Variants in PCDHGB5 observed in about 807,000 individuals in gnomAD.
The protein encoded by PCDHGB5 is protocadherin gamma-B5.
A neutral mutation model predicts 62.9 loss-of-function variants in PCDHGB5; 48 were observed. The observed-to-expected ratio is 0.76, with a 90% confidence interval of 0.61 to 0.97. The LOEUF (loss-of-function observed/expected upper bound fraction) is 0.97. Ranked by LOEUF, PCDHGB5 falls within the 50% of genes least tolerant of loss-of-function variation. The pLI is 0.00. For missense variants in PCDHGB5, 1,118 were observed against 1,198.6 expected (o/e 0.93, Z 0.99); for synonymous variants, 474 against 511.2 (o/e 0.93, Z 0.98).
chr5:141,403,109 G>T, intron 1 of PCDHGB5: 2 of 1,614,074 alleles, frequency 1.2e-6, no homozygotes, highest in Non-Finnish European at 1.7e-6. Flanking sequence ...CAAGGACCTG[G>T]CTCTGGAGCC....
intron 1 of PCDHGB5, chr5:141,403,040 C>T: frequency 1.2e-6 from 2 of 1,614,068 alleles, no homozygotes; most frequent in Non-Finnish European, 1.7e-6. Context: ...CAGGGCCAGT[C>T]AGATTCGCTA....
rs1156915249 is a variant in PCDHGB5, at chr5:141,426,840, G to C, written c.2397+26316G>C. 8.8e-6 allele frequency: 4 copies of C among 456,584 alleles called. No individual in the cohort carries two copies. In the East Asian group the frequency reaches 2.8e-4, roughly 32 times the overall value. The allele number at this position is 456,584 out of a possible 1,614,324, so 28.3% of individuals were successfully genotyped here. A position where few individuals can be genotyped will look rare whatever the true frequency, so the allele number is the denominator to read the frequency against. On this transcript the variant is annotated intron_variant, in intron 1 of 3. Transcript: ENST00000617380. Reference sequence around the variant, plus strand: ...CTCTCTGATGATGGACAAGACTAAAGGCAAGAACGCTCCAGAATTAGTGCT... The same window carrying C: ...CTCTCTGATGATGGACAAGACTAAACGCAAGAACGCTCCAGAATTAGTGCT...
At chr5:141,448,850 C>A (rs1227646790) in intron 1 of PCDHGB5, among the ~76,000 whole-genome samples, 1 of 152,048 alleles carries the variant, frequency 6.6e-6, no homozygotes, top group Non-Finnish European at 1.5e-5. Context: ...GAGGCTGAGG[C>A]AGGAGAATGG....
intron 1 of PCDHGB5, chr5:141,400,747 G>T (rs2094069778): frequency 5.0e-6 from 3 of 602,662 alleles, no homozygotes; most frequent in African/African-American, 1.9e-5. Context: ...TTTGCTCTTA[G>T]CTTCCTCTCT....
chr5:141,426,691 G>A, intron 1 of PCDHGB5: 1 of 435,886 alleles, frequency 2.3e-6, no homozygotes, highest in South Asian at 1.6e-5. Context: ...CCCCAAAATA[G>A]CATTGTTTTA....
At chr5:141,468,953 T>G (rs182999574) in intron 1 of PCDHGB5, among the ~76,000 whole-genome samples, 1,938 of 89,156 alleles carry the variant, frequency 0.022, 22 homozygotes, top group Non-Finnish European at 0.033. Flanking sequence ...AAACCTGTGG[T>G]TTTTTTTACC....
At chr5:141,454,931 C>T (rs2154564856) in intron 1 of PCDHGB5, among the ~76,000 whole-genome samples, 2 of 151,066 alleles carry the variant, frequency 1.3e-5, no homozygotes, top group South Asian at 4.2e-4. Context: ...CCTCAGCCTC[C>T]CGAGTAGCTG....
At position 141,426,367 on chromosome 5, in the gene PCDHGB5, G is replaced by A. The variant is rs557191606; in HGVS notation, c.2397+25843G>A. The A allele has an allele frequency of 8.2e-4, 168 of 204,486 alleles. 3 individuals are homozygous for A. The South Asian group carries it at 0.014, about 17-fold the overall frequency. 12.7% of individuals were successfully genotyped at this position (204,486 alleles called of 1,614,324 possible). ...TTTCCTGCTGCCTTTGTTCTGCGGG[G>A]CACCCTCGGAGCAGATCCGCTACTC... is the stretch of plus-strand genomic sequence containing the variant. On this transcript the variant is annotated intron_variant, in intron 1 of 3. Transcript: ENST00000617380.
In PCDHGB5 at chr5:141,485,849, G is replaced by A. The variant is rs777288674; in HGVS notation, c.2398-8958G>A. ...AGGGAACCCGCCGAGATCTGGCACC[G>A]CAGAGCTCCGGGTATCCGTGCTGGA... On this transcript the variant is annotated intron_variant, in intron 1 of 3. Transcript: ENST00000617380. The surrounding 1 kb of genome is among the most constrained non-coding windows in gnomAD (Gnocchi z 5.7). 3 of 1,614,130 alleles carry A rather than the reference G, an allele frequency of 1.9e-6. No individual in the cohort carries two copies. In the South Asian group the frequency reaches 3.3e-5, roughly 18 times the overall value.
At chr5:141,418,844 A>G (rs781310201) in intron 1 of PCDHGB5, 2 of 1,613,936 alleles carry the variant, frequency 1.2e-6, no homozygotes, top group South Asian at 2.2e-5. Context: ...ATCTCTCTCA[A>G]CACGGTGTAA....
In PCDHGB5 at chr5:141,491,276, A is replaced by G; in HGVS notation, c.2398-3531A>G. The G allele has an allele frequency of 6.2e-7, 1 of 1,614,104 alleles. No individual in the cohort carries two copies. On this transcript the variant is annotated intron_variant, in intron 1 of 3. Coordinates refer to ENST00000617380, the MANE Select transcript of PCDHGB5 (RefSeq NM_018925.3). The surrounding 1 kb of genome is among the most constrained non-coding windows in gnomAD (Gnocchi z 6.9). ...CCTGAGGAAATGCCCAAATCCAGTG[A>G]CTTCCTCATACACCCTCCTGAGCGT...
At chr5:141,438,649 CACAT>C (rs2098044358) in intron 1 of PCDHGB5, among the ~76,000 whole-genome samples, 1 of 100,976 alleles carries the variant, frequency 9.9e-6, no homozygotes, top group Non-Finnish European at 2.0e-5. Context: ...CACACACACA[CACAT>C]ATATGTATAT....
At chr5:141,502,767 C>T (rs970206343) in intron 2 of PCDHGB5, among the ~76,000 whole-genome samples, 1 of 151,756 alleles carries the variant, frequency 6.6e-6, no homozygotes, top group East Asian at 1.9e-4. Flanking sequence ...TGCTGGTATT[C>T]TTCTGAAAAT....
Position 141,489,454 on chromosome 5 carries a change from G to C in PCDHGB5, c.2398-5353G>C, listed in dbSNP as rs1177748773. 1 of 1,613,940 alleles carries C rather than the reference G, an allele frequency of 6.2e-7. No homozygotes were observed. The highest frequency in any genetic ancestry group is 1.3e-5 in the African/African-American group (1 of 74,906). On this transcript the variant is annotated intron_variant, in intron 1 of 3. Transcript: ENST00000617380. This position sits in a 1 kb window ranked among gnomAD's most constrained non-coding sequence, Gnocchi z 4.5. ...GCTGCAATTGGGCTCTGAGGAGAAT[G>C]GGCGCTATTTTTCCCTGAGCTTGAT...
At chr5:141,450,675 C>T (rs377412699) in intron 1 of PCDHGB5, among the ~76,000 whole-genome samples, 3 of 151,614 alleles carry the variant, frequency 2.0e-5, no homozygotes, top group South Asian at 4.2e-4. Flanking sequence ...TTAGTAGAAA[C>T]GGGGTTTTGC....
chr5:141,423,656 A>G (rs988976310), intron 1 of PCDHGB5: 2 of 1,571,854 alleles, frequency 1.3e-6, no homozygotes, highest in African/African-American at 1.4e-5. Context: ...CCGACAAGTA[A>G]TCAGGTGAGA....
At chr5:141,410,675 T>A in intron 1 of PCDHGB5, 1 of 1,551,642 alleles carries the variant, frequency 6.4e-7, no homozygotes, top group Non-Finnish European at 8.6e-7. Context: ...GTTTCTCATA[T>A]TTTAGGCATA....
chr5:141,432,449 T>C lies in PCDHGB5; in HGVS notation c.2397+31925T>C. 5.6e-6 allele frequency: 9 copies of C among 1,614,220 alleles called. No individual in the cohort carries two copies. The highest frequency in any genetic ancestry group is 7.6e-6 in the Non-Finnish European group (9 of 1,180,038). On this transcript the variant is annotated intron_variant, in intron 1 of 3. Coordinates refer to ENST00000617380, the MANE Select transcript of PCDHGB5 (RefSeq NM_018925.3). The surrounding 1 kb of genome is among the most constrained non-coding windows in gnomAD (Gnocchi z 6.0). The stretch of plus-strand genomic sequence containing the variant: ...GAACGACAATGCGCCCGAGATCCTG[T>C]ACCCCGCCCTCCCCACGGACGGTTC...
At chr5:141,414,514 G>A in intron 1 of PCDHGB5, 1 of 1,613,964 alleles carries the variant, frequency 6.2e-7, no homozygotes, top group Non-Finnish European at 8.5e-7. Context: ...GCTACAAGTG[G>A]CAGATATCAA....
Sources: allele counts gnomAD v4.1 joint callset (sites outside exome capture counted in the v4.1 genomes callset), GRCh38; gene constraint gnomAD v4.1.1; non-coding constraint Gnocchi (gnomAD v3.1); transcripts MANE v1.5; gene names NCBI Gene and HGNC (gene_info 2026-07-23, HGNC 2026-07-21).